The following PHF21A variants were observed in gnomAD, a reference collection of about 807,000 sequenced individuals.
PHF21A encodes PHD finger protein 21A.
PHF21A carries 11 observed loss-of-function variants against 82.5 expected under a neutral mutation model. The ratio of observed to expected loss-of-function variants is 0.13; its 90% CI spans 0.08 to 0.22. PHF21A has a LOEUF of 0.22. PHF21A is among the 10% of genes least tolerant of loss of function. PHF21A has a pLI of 1.00. For synonymous variants in PHF21A, 297 were observed against 302.8 expected (o/e 0.98, Z 0.20); for missense variants, 579 against 837.8 (o/e 0.69, Z 3.81).
intron 6 of PHF21A, among the ~76,000 whole-genome samples, chr11:46,005,510 A>G (rs1308033901): frequency 6.6e-6 from 1 of 152,236 alleles, no homozygotes; most frequent in Non-Finnish European, 1.5e-5. Flanking sequence ...AATGGGCACC[A>G]AATGTTCAGA....
chr11:46,063,881 T>C (rs1401066746), intron 6 of PHF21A, among the ~76,000 whole-genome samples: 2 of 152,180 alleles, frequency 1.3e-5, no homozygotes, highest in Non-Finnish European at 2.9e-5. Flanking sequence ...GACAGATGTT[T>C]ATAAATGTTA....
chr11:46,063,675 A>G (rs762752070), intron 6 of PHF21A, among the ~76,000 whole-genome samples: 3 of 152,190 alleles, frequency 2.0e-5, no homozygotes, highest in Non-Finnish European at 4.4e-5. Flanking sequence ...TTACCCATAA[A>G]GTATATAATT....
Position 46,099,563 on chromosome 11 carries a change from C to CACACAT in PHF21A, c.-236-7341_-236-7340insATGTGT, listed in dbSNP as rs55803326. 8.2e-5 allele frequency among the ~76,000 whole-genome samples: 12 copies of CACACAT among 146,864 alleles called. 1 individual carries two copies. The highest frequency in any genetic ancestry group is 8.1e-4 in the Admixed American group (12 of 14,758). ...ACACACACACACACACACACACACA[C>CACACAT]CCTAAACACAAACACAAACACAAAG... On this transcript the variant is annotated intron_variant, in intron 1 of 18. Coordinates refer to ENST00000676320, the MANE Select transcript of PHF21A (RefSeq NM_001352027.3).
At chr11:46,072,520 A>AG (rs1266132929) in intron 6 of PHF21A, among the ~76,000 whole-genome samples, 1 of 152,170 alleles carries the variant, frequency 6.6e-6, no homozygotes, top group Non-Finnish European at 1.5e-5. Context: ...CCCTAGCCCT[A>AG]GGGGGACCTA....
Position 46,084,161 on chromosome 11 carries a change from C to G in PHF21A, c.54+5G>C. 1 of 1,596,278 alleles carries G rather than the reference C, an allele frequency of 6.3e-7. No homozygotes were observed. The highest frequency in any genetic ancestry group is 8.5e-7 in the Non-Finnish European group (1 of 1,172,602). The stretch of plus-strand genomic sequence containing the variant: ...AGTGTGGGAGAAGCCAATAATACAA[C>G]TTACCTGGTGAACCTGAATTTCCAC... On this transcript the variant is annotated splice_donor_5th_base_variant and intron_variant, in intron 4 of 18. Transcript: ENST00000676320.
At chr11:45,938,431 T>C in intron 15 of PHF21A, 119 bp from the exon 16 acceptor site, 1 of 757,986 alleles carries the variant, frequency 1.3e-6, no homozygotes, top group East Asian at 2.7e-5. Context: ...GTTCCAGGAG[T>C]ACTCAAGAGA....
chr11:46,101,922 A>G (rs1385335175), intron 1 of PHF21A, among the ~76,000 whole-genome samples: 2 of 151,020 alleles, frequency 1.3e-5, no homozygotes, highest in African/African-American at 4.9e-5. Flanking sequence ...CAGTGGCGCA[A>G]TCTCGGCTCA....
chr11:45,983,245 G>A lies in PHF21A; in HGVS notation c.154-3279C>T, dbSNP rs542589753. 8.5e-5 allele frequency among the ~76,000 whole-genome samples: 13 copies of A among 152,224 alleles called. No individual in the cohort carries two copies. The South Asian group carries it at 2.7e-3, about 32-fold the overall frequency. On this transcript the variant is annotated intron_variant, in intron 6 of 18. Coordinates refer to ENST00000676320, the MANE Select transcript of PHF21A (RefSeq NM_001352027.3). ...CAAAGCCGTGGAAGCTTGGGGTGGG[G>A]GCTGGTGGGGGGACATGATCAAAAT... is the stretch of plus-strand genomic sequence containing the variant.
chr11:46,027,526 G>A (rs1299767854), intron 6 of PHF21A, among the ~76,000 whole-genome samples: 1 of 152,176 alleles, frequency 6.6e-6, no homozygotes, highest in Non-Finnish European at 1.5e-5. Context: ...GCCTGCACAG[G>A]AAACACACAA....
chr11:45,935,833 T>C lies in PHF21A; in HGVS notation c.1685-94A>G. On this transcript the variant is annotated intron_variant, in intron 17 of 18. Transcript: ENST00000676320. ...TCAGAATGCCTGCCAAAGAAGGTAT[T>C]TTCCCCAGAGCTCCCATGAGTCCTA... 5.8e-6 allele frequency: 4 copies of C among 688,420 alleles called. No individual in the cohort carries two copies. The South Asian group carries it at 7.5e-5, about 13-fold the overall frequency. 42.6% of individuals were successfully genotyped at this position (688,420 alleles called of 1,614,324 possible). A position where few individuals can be genotyped will look rare whatever the true frequency, so the allele number is the denominator to read the frequency against.
chr11:46,072,104 C>G (rs922585231), intron 6 of PHF21A, among the ~76,000 whole-genome samples: 10 of 152,232 alleles, frequency 6.6e-5, no homozygotes, highest in African/African-American at 2.2e-4. Context: ...ATAAGGAAGA[C>G]AGATATTTAA....
At chr11:45,964,976 G>C (rs915961101) in intron 10 of PHF21A, among the ~76,000 whole-genome samples, 1 of 152,076 alleles carries the variant, frequency 6.6e-6, no homozygotes, top group Non-Finnish European at 1.5e-5. Flanking sequence ...TTATTGGGCC[G>C]AAACTAACAT....
At chr11:45,980,020 C>G (rs1000729900) in intron 6 of PHF21A, 54 bp from the exon 7 acceptor site, 32 of 1,610,286 alleles carry the variant, frequency 2.0e-5, no homozygotes, top group Non-Finnish European at 4.2e-6. Flanking sequence ...GCTCTATCAG[C>G]TGCACAGAAA....
intron 10 of PHF21A, among the ~76,000 whole-genome samples, chr11:45,962,939 AT>A (rs1349149980): frequency 6.6e-6 from 1 of 151,880 alleles, no homozygotes; most frequent in African/African-American, 2.4e-5. Context: ...AAAAGAAATT[AT>A]TTTAATTCTT....
intron 13 of PHF21A, 88 bp from the exon 14 acceptor site, chr11:45,949,034 C>T: frequency 9.9e-7 from 1 of 1,005,612 alleles, no homozygotes; most frequent in Non-Finnish European, 1.6e-6. Context: ...CATGGCATGA[C>T]TGTCAACATG....
intron 6 of PHF21A, among the ~76,000 whole-genome samples, chr11:46,040,238 A>C (rs575026048): frequency 2.0e-5 from 3 of 152,348 alleles, no homozygotes; most frequent in Non-Finnish European, 2.9e-5. Context: ...AGTTTCATTA[A>C]ACATAATGGT....
intron 7 of PHF21A, among the ~76,000 whole-genome samples, chr11:45,974,811 T>G (rs1300010752): frequency 6.6e-6 from 1 of 152,138 alleles, no homozygotes; most frequent in East Asian, 1.9e-4. Context: ...AGTGTCTAAG[T>G]ATGATCACCT....
intron 4 of PHF21A, 56 bp downstream of exon 4, chr11:46,084,110 A>C: frequency 8.2e-7 from 1 of 1,214,208 alleles, no homozygotes. Context: ...GGACTTGTTT[A>C]CTAATCTTAG....
rs546886839 is a variant in PHF21A, at chr11:46,107,971, A to G, written c.-237+12964T>C. 3.9e-5 allele frequency among the ~76,000 whole-genome samples: 6 copies of G among 152,336 alleles called. No individual in the cohort carries two copies. In the South Asian group the frequency reaches 1.2e-3, roughly 32 times the overall value. ...CCACACTACTCACATGAAGTTGTGAAGACCAGGACTAATTCCTATGTAGGG... is the reference window on the plus strand; with the variant it reads ...CCACACTACTCACATGAAGTTGTGAGGACCAGGACTAATTCCTATGTAGGG... On this transcript the variant is annotated intron_variant, in intron 1 of 18. Coordinates refer to ENST00000676320, the MANE Select transcript of PHF21A (RefSeq NM_001352027.3).
Sources: gnomAD v4.1 joint callset for allele counts (sites outside exome capture counted in the v4.1 genomes callset) on GRCh38, gnomAD v4.1.1 for gene constraint, MANE v1.5 for transcripts, NCBI Gene and HGNC (gene_info 2026-07-23, HGNC 2026-07-21) for gene names.